The following NEDD8 variants were observed in gnomAD, a reference collection of about 807,000 sequenced individuals.
The protein encoded by NEDD8 is NEDD8 ubiquitin like modifier.
In NEDD8, 1 loss-of-function variant was observed where a neutral mutation model predicts 13.8. That is an observed-to-expected ratio of 0.07 (90% CI 0.03 to 0.34). The LOEUF is 0.34. NEDD8 is among the 10% of genes least tolerant of loss of function. The probability of loss-of-function intolerance (pLI) is 0.99; values close to 1 mark genes in which losing one functional copy is unlikely to be tolerated. For missense variants in NEDD8, 10 were observed against 95.2 expected, an observed-to-expected ratio of 0.10 and a Z score of 3.73; for synonymous variants, 31 against 33.2, an observed-to-expected ratio of 0.93 and a Z score of 0.23.
chr14:24,218,317 T>C, intron 2 of NEDD8, 67 bp downstream of exon 2: 1 of 1,614,042 alleles, frequency 6.2e-7, no homozygotes, highest in South Asian at 1.1e-5. Context: ...AAGGACCAAG[T>C]TCATAAGCAT....
chr14:24,217,416 A>G (rs898852167), intron 3 of NEDD8, among the ~76,000 whole-genome samples, 193 bp from the exon 4 acceptor site: 2 of 151,918 alleles, frequency 1.3e-5, no homozygotes, highest in Non-Finnish European at 2.9e-5. Context: ...CAGCCTCCTG[A>G]GTAGCTGGGA....
intron 1 of NEDD8, among the ~76,000 whole-genome samples, chr14:24,222,322 CAA>C (rs1178019911): frequency 2.0e-5 from 3 of 151,938 alleles, no homozygotes; most frequent in African/African-American, 7.2e-5. Flanking sequence ...GATAATTTAA[CAA>C]AAAAGTTATA....
chr14:24,232,364 T>C lies in NEDD8; in HGVS notation c.-97A>G. ...CAGCACTCTTGCCTGCAAGGGCCAC[T>C]TCTACTTCCGGGTCACTGTCTGGCT... On this transcript the variant is annotated 5_prime_UTR_variant, in exon 1 of 4. Transcript: ENST00000250495. The C allele has an allele frequency of 1.6e-6, 2 of 1,239,552 alleles. No individual in the cohort carries two copies. Among genetic ancestry groups the C allele is most frequent in the South Asian group, 1.3e-5 (1 of 79,024 alleles). The allele number at this position is 1,239,552 out of a possible 1,614,324, so 76.8% of individuals were successfully genotyped here. A position where few individuals can be genotyped will look rare whatever the true frequency, so the allele number is the denominator to read the frequency against.
intron 1 of NEDD8, chr14:24,227,891 T>TC (rs1378352247): frequency 5.3e-5 from 8 of 152,030 alleles, no homozygotes; most frequent in Non-Finnish European, 7.3e-5. Flanking sequence ...GCTCAGGAGT[T>TC]CAAGACCAGC....
intron 1 of NEDD8, among the ~76,000 whole-genome samples, chr14:24,230,218 C>CAAAAAAAA (rs560583502): frequency 1.4e-5 from 1 of 73,844 alleles, no homozygotes; most frequent in East Asian, 5.1e-4. Context: ...GACTCTGTCT[C>CAAAAAAAA]AAAAAAAAAA....
intron 1 of NEDD8, among the ~76,000 whole-genome samples, chr14:24,224,260 C>T (rs1053314697): frequency 6.6e-6 from 1 of 152,050 alleles, no homozygotes; most frequent in African/African-American, 2.4e-5. Context: ...GATGGGGTTT[C>T]ACCATGTTGG....
intron 1 of NEDD8, 70 bp downstream of exon 1, chr14:24,232,180 C>T (rs2040053532): frequency 6.2e-7 from 1 of 1,610,016 alleles, no homozygotes; most frequent in Non-Finnish European, 8.5e-7. Flanking sequence ...TTTCCTTCCC[C>T]ACGTCTCCCG....
At chr14:24,221,285 T>G (rs971676918) in intron 1 of NEDD8, among the ~76,000 whole-genome samples, 6 of 145,004 alleles carry the variant, frequency 4.1e-5, no homozygotes, top group Non-Finnish European at 7.4e-5. Flanking sequence ...TTATTTCACT[T>G]TCTTTTTTTT....
At chr14:24,230,667 G>A (rs1283665898) in intron 1 of NEDD8, among the ~76,000 whole-genome samples, 1 of 147,304 alleles carries the variant, frequency 6.8e-6, no homozygotes, top group Non-Finnish European at 1.5e-5. Flanking sequence ...CGCCCAGGCT[G>A]GAGTGCAATG....
intron 1 of NEDD8, among the ~76,000 whole-genome samples, chr14:24,220,784 T>A (rs8011199): frequency 1.3e-5 from 2 of 152,108 alleles, no homozygotes; most frequent in Non-Finnish European, 2.9e-5. Flanking sequence ...AAAGTAGAGA[T>A]TGGATCCAGA....
intron 1 of NEDD8, chr14:24,228,443 G>A (rs1264222445): frequency 1.3e-5 from 2 of 151,902 alleles, no homozygotes; most frequent in African/African-American, 4.8e-5. Flanking sequence ...GGTCAGATAT[G>A]GTAGCTCACG....
intron 1 of NEDD8, 107 bp downstream of exon 1, chr14:24,232,143 G>A: frequency 6.4e-7 from 1 of 1,567,306 alleles, no homozygotes; most frequent in Non-Finnish European, 8.7e-7. Flanking sequence ...GGCAGTCAGC[G>A]TCCTCCAGGC....
At chr14:24,218,604 T>C (rs1304323852) in intron 1 of NEDD8, 173 bp from the exon 2 acceptor site, 2 of 888,308 alleles carry the variant, frequency 2.3e-6, no homozygotes, top group Non-Finnish European at 3.4e-6. Context: ...TTATCAAATA[T>C]TTTTAGGCTG....
At chr14:24,218,037 A>C (rs758706108) in intron 3 of NEDD8, 96 bp downstream of exon 3, 1 of 1,529,874 alleles carries the variant, frequency 6.5e-7, no homozygotes, top group Non-Finnish European at 8.9e-7. Context: ...GGCACCAAAA[A>C]CAAGAGGCAC....
rs762477966 is a variant in NEDD8 at position 24,232,276 on chromosome 14, C to T, written c.-9G>A. 28 of 1,613,726 alleles carry T rather than the reference C, an allele frequency of 1.7e-5. No individual in the cohort carries two copies. Among genetic ancestry groups the T allele is most frequent in the Non-Finnish European group, 8.5e-7 (1 of 1,179,972 alleles). On this transcript the variant is annotated 5_prime_UTR_variant, in exon 1 of 4. Coordinates refer to ENST00000250495, the MANE Select transcript of NEDD8 (RefSeq NM_006156.3). ...TTCACTTTAATTAGCATCTTCTTTC[C>T]AGTTTGGGGCTGCACACGGATAAAT...
At chr14:24,229,127 A>G (rs142213464) in intron 1 of NEDD8, among the ~76,000 whole-genome samples, 1 of 152,342 alleles carries the variant, frequency 6.6e-6, no homozygotes, top group Non-Finnish European at 1.5e-5. Flanking sequence ...AGACCCACAG[A>G]ATCATAATCA....
intron 1 of NEDD8, among the ~76,000 whole-genome samples, chr14:24,223,296 C>G (rs2039837422): frequency 6.6e-6 from 1 of 151,578 alleles, no homozygotes; most frequent in Non-Finnish European, 1.5e-5. Flanking sequence ...ACTGGGTACT[C>G]AGAAGGCTGA....
chr14:24,230,621 T>C (rs1356705951), intron 1 of NEDD8, among the ~76,000 whole-genome samples: 2 of 151,196 alleles, frequency 1.3e-5, no homozygotes, highest in Non-Finnish European at 3.0e-5. Flanking sequence ...TCTTTCTTTT[T>C]TTTTTTTGCA....
Position 24,218,123 on chromosome 14 carries a change from C to T in NEDD8, c.149+10G>A. 1 of 1,614,004 alleles carries T rather than the reference C, an allele frequency of 6.2e-7. No individual in the cohort carries two copies. Among genetic ancestry groups the T allele is most frequent in the Non-Finnish European group, 8.5e-7 (1 of 1,180,022 alleles). On this transcript the variant is annotated intron_variant, in intron 3 of 3. Coordinates refer to ENST00000250495, the MANE Select transcript of NEDD8 (RefSeq NM_006156.3). ...AGATCGCCATGCTGTCATTCTCACT[C>T]CAAACTCACATCTGCTTGCCACTGT...
Sources: gnomAD v4.1 joint callset for allele counts (sites outside exome capture counted in the v4.1 genomes callset) on GRCh38, gnomAD v4.1.1 for gene constraint, MANE v1.5 for transcripts, NCBI Gene and HGNC (gene_info 2026-07-23, HGNC 2026-07-21) for gene names.